KRT25: variants seen among roughly 807,000 people sequenced by gnomAD.
KRT25 encodes keratin, type I cytoskeletal 25.
Under a neutral mutation model 47.6 loss-of-function variants are expected in KRT25, and 37 were observed. That is an observed-to-expected ratio of 0.78 (90% CI 0.60 to 1.02). The LOEUF is 1.02. Ranked by LOEUF, KRT25 falls within the 50% of genes least tolerant of loss-of-function variation. KRT25 has a pLI of 0.00. For synonymous variants in KRT25, 203 were observed against 210.2 expected, an observed-to-expected ratio of 0.97 and a Z score of 0.30; for missense variants, 542 against 550.3, an observed-to-expected ratio of 0.98 and a Z score of 0.15.
chr17:40,751,239 T>C lies in KRT25; in HGVS notation c.757A>G (p.Asn253Asp), dbSNP rs1189638982. 3 of 1,614,038 alleles carry C rather than the reference T, an allele frequency of 1.9e-6. No individual in the cohort carries two copies. In the Admixed American group the frequency reaches 5.0e-5, roughly 27 times the overall value. Residue 253 changes from asparagine (N) to aspartate (D), a missense_variant, in exon 4 of 8, where the codon AAC becomes GAC. Transcript: ENST00000312150. ...APGVDLTVLLNNMRAEYEALA... is the reference protein window; with the variant it reads ...APGVDLTVLLDNMRAEYEALA... ...GCTTCGTACTCAGCTCGCATGTTGT[T>C]CAGCAGAACTGTGAGGTCCACCCCG...
chr17:40,748,423 T>TA, intron 7 of KRT25, 37 bp from the exon 8 acceptor site: 2 of 1,318,256 alleles, frequency 1.5e-6, no homozygotes, highest in Non-Finnish European at 1.1e-6. Flanking sequence ...TTTATGTAGT[T>TA]AAAAAAAGAA....
Position 40,755,294 on chromosome 17 carries a change from A to G in KRT25, c.-23T>C. 6.3e-7 allele frequency: 1 copy of G among 1,596,222 alleles called. No individual in the cohort carries two copies. The highest frequency in any genetic ancestry group is 8.5e-7 in the Non-Finnish European group (1 of 1,171,246). ...CATGGTATCAGGGCAAACGCGTTGCAGAGCTGTATTTGTGAAAGCCAGAAT... is the reference window on the plus strand; with the variant it reads ...CATGGTATCAGGGCAAACGCGTTGCGGAGCTGTATTTGTGAAAGCCAGAAT... On this transcript the variant is annotated 5_prime_UTR_variant, in exon 1 of 8. Transcript: ENST00000312150.
At position 40,751,018 on chromosome 17, in the gene KRT25, T is replaced by C; in HGVS notation, c.893A>G (p.Glu298Gly). Residue 298 changes from glutamate to glycine, a missense_variant, in exon 5 of 8, where the codon GAG (glutamate) becomes GGG (glycine). Coordinates refer to ENST00000312150, the MANE Select transcript of KRT25 (RefSeq NM_181534.4). ...AAGAGTGCGCTTCATTTCAGTCAGC[T>C]CATTCCGGGCTGAGGTTGTGGCTCC... Reference protein sequence around the residue: ...DVGATTSARNELTEMKRTLQT... With the variant: ...DVGATTSARNGLTEMKRTLQT... 1 of 1,614,160 alleles carries C rather than the reference T, an allele frequency of 6.2e-7. No individual in the cohort carries two copies. The highest frequency in any genetic ancestry group is 1.3e-5 in the African/African-American group (1 of 75,042).
Position 40,749,315 on chromosome 17 carries a change from A to C in KRT25, c.1186T>G (p.Ser396Ala), listed in dbSNP as rs763895579. 71 of 1,612,962 alleles carry C rather than the reference A, an allele frequency of 4.4e-5. No individual in the cohort carries two copies. Among genetic ancestry groups the C allele is most frequent in the Non-Finnish European group, 5.7e-5 (67 of 1,179,094 alleles). ...LIGGDDGACK[S>A]GGYKSKDYGS... ...TAATCTTTAGACTTGTAACCCCCAG[A>C]CTTACAGGCTCTGTGAAAACATCGC... The change falls in exon 7 of 8, where the codon TCT (serine) becomes GCT (alanine). Residue 396 changes from serine (S) to alanine (A), a missense_variant. By Grantham distance (99) the Ser-to-Ala change is moderately conservative. Coordinates refer to ENST00000312150, the MANE Select transcript of KRT25 (RefSeq NM_181534.4).
Position 40,755,209 on chromosome 17 carries a change from G to A in KRT25, c.63C>T (p.Leu21=), listed in dbSNP as rs1176150120. 5 of 1,614,210 alleles carry A rather than the reference G, an allele frequency of 3.1e-6. No individual in the cohort carries two copies. Among genetic ancestry groups the A allele is most frequent in the East Asian group, 2.2e-5 (1 of 44,894 alleles). Reference sequence around the variant, plus strand: ...AGCTGGTTCCCCCACCATAGAGTCTGAGTGATCCAGTGGTGGGACGAGGAC... The same window carrying A: ...AGCTGGTTCCCCCACCATAGAGTCTAAGTGATCCAGTGGTGGGACGAGGAC... ...RSCPRPTTGS[L]RLYGGGTSFG... The change falls in exon 1 of 8, where the codon CTC becomes CTT. Residue 21 remains leucine (L), a synonymous_variant. Coordinates refer to ENST00000312150, the MANE Select transcript of KRT25 (RefSeq NM_181534.4).
In KRT25 at chr17:40,750,963, G is replaced by A; in HGVS notation, c.948C>T (p.Leu316=). Residue 316 remains leucine (L), a synonymous_variant, in exon 5 of 8, where the codon CTC becomes CTT. Coordinates refer to ENST00000312150, the MANE Select transcript of KRT25 (RefSeq NM_181534.4). ...ATTGTTCTTTTCATACCGTGGCTAG[G>A]AGAGACTGAAGTTCAATTTCCAGGG... is the stretch of plus-strand genomic sequence containing the variant. The part of the protein sequence containing the change: ...LQTLEIELQS[L]LATKHSLECS... 1 of 1,614,180 alleles carries A rather than the reference G, an allele frequency of 6.2e-7. No homozygotes were observed. The highest frequency in any genetic ancestry group is 8.5e-7 in the Non-Finnish European group (1 of 1,180,014).
intron 6 of KRT25, among the ~76,000 whole-genome samples, chr17:40,749,531 G>C (rs2038027116): frequency 6.6e-6 from 1 of 152,206 alleles, no homozygotes; most frequent in Non-Finnish European, 1.5e-5. Context: ...GAGGGGTTAG[G>C]AAGAGAAGAG....
At chr17:40,749,182 C>T in intron 7 of KRT25, 76 bp downstream of exon 7, 1 of 1,103,776 alleles carries the variant, frequency 9.1e-7, no homozygotes, top group Non-Finnish European at 1.4e-6. Context: ...ACAAACCTTC[C>T]AATGTACCCC....
At position 40,755,114 on chromosome 17, in the gene KRT25, G is replaced by C; in HGVS notation, c.158C>G (p.Ser53Ter). The C allele has an allele frequency of 1.2e-6, 2 of 1,614,170 alleles. No individual in the cohort carries two copies. The highest frequency in any genetic ancestry group is 1.7e-6 in the Non-Finnish European group (2 of 1,180,008). Residue 53 changes from serine (S) to a stop codon, truncating the protein, a stop_gained, in exon 1 of 8, where the codon TCA becomes TGA. Coordinates refer to ENST00000312150, the MANE Select transcript of KRT25 (RefSeq NM_181534.4). LOFTEE classifies it high-confidence loss of function. Reference protein sequence around the residue: ...SGFSSAFGGSSSGGNTGGGNP... With the variant: ...SGFSSAFGGS ...ACCTCCCCCTGTGTTTCCTCCCGAT[G>C]AGCTGCCTCCGAAGGCACTAGAGAA...
At chr17:40,754,360 T>C in intron 2 of KRT25, 26 bp downstream of exon 2, 1 of 1,584,630 alleles carries the variant, frequency 6.3e-7, no homozygotes, top group South Asian at 1.1e-5. Flanking sequence ...TGCCATGAAT[T>C]CATTTCACTC....
intron 3 of KRT25, among the ~76,000 whole-genome samples, chr17:40,752,470 C>T (rs2038058995): frequency 6.6e-6 from 1 of 152,184 alleles, no homozygotes; most frequent in African/African-American, 2.4e-5. Flanking sequence ...CAGCGAGCCC[C>T]TCAGCCATTC....
Position 40,753,841 on chromosome 17 carries a change from GT to G in KRT25, c.669+18del. 1.3e-6 allele frequency: 2 copies of G among 1,598,900 alleles called. No individual in the cohort carries two copies. Among genetic ancestry groups the G allele is most frequent in the Non-Finnish European group, 1.7e-6 (2 of 1,170,304 alleles). ...AGTGTCTGCGGAGGGATAGCAAAAT[GT>G]AGACGACCAGCTCTTACCTCTTTAT... is the stretch of plus-strand genomic sequence containing the variant. On this transcript the variant is annotated intron_variant, in intron 3 of 7. Transcript: ENST00000312150.
chr17:40,752,250 T>A (rs1382718271), intron 3 of KRT25, among the ~76,000 whole-genome samples: 1 of 152,220 alleles, frequency 6.6e-6, no homozygotes, highest in Admixed American at 6.5e-5. Context: ...AGCTGGAATT[T>A]ATTTTGCAGT....
chr17:40,751,883 C>CGTGCGT (rs367732127), intron 3 of KRT25, among the ~76,000 whole-genome samples: 75 of 149,022 alleles, frequency 5.0e-4, no homozygotes, highest in African/African-American at 1.5e-3. Context: ...TGTGTGCGTG[C>CGTGCGT]GTGTGTGTGT....
At chr17:40,753,348 T>C (rs1222112671) in intron 3 of KRT25, among the ~76,000 whole-genome samples, 1 of 151,276 alleles carries the variant, frequency 6.6e-6, no homozygotes, top group African/African-American at 2.4e-5. Context: ...TTTTTCCCCA[T>C]AGGAAACTTG....
intron 3 of KRT25, 115 bp downstream of exon 3, chr17:40,753,745 G>C: frequency 6.5e-6 from 2 of 309,670 alleles, no homozygotes; most frequent in Non-Finnish European, 1.2e-5. Flanking sequence ...CCTCATGTCT[G>C]TCTGACAATG....
chr17:40,755,203 G>A lies in KRT25; in HGVS notation c.69C>T (p.Leu23=), dbSNP rs201138319. 1.2e-6 allele frequency: 2 copies of A among 1,614,202 alleles called. No homozygotes were observed. Among genetic ancestry groups the A allele is most frequent in the East Asian group, 2.2e-5 (1 of 44,884 alleles). ...TACCAAAGCTGGTTCCCCCACCATA[G>A]AGTCTGAGTGATCCAGTGGTGGGAC... The part of the protein sequence containing the change: ...CPRPTTGSLR[L]YGGGTSFGTG... Residue 23 remains leucine (L), a synonymous_variant, in exon 1 of 8, where the codon CTC becomes CTT. Coordinates refer to ENST00000312150, the MANE Select transcript of KRT25 (RefSeq NM_181534.4).
Position 40,755,009 on chromosome 17 carries a change from T to C in KRT25, c.263A>G (p.Asp88Gly). 1 of 1,614,136 alleles carries C rather than the reference T, an allele frequency of 6.2e-7. No individual in the cohort carries two copies. Among genetic ancestry groups the C allele is most frequent in the African/African-American group, 1.3e-5 (1 of 75,036 alleles). ...NEKVTMQNLN[D>G]RLASYLDSVH... ...ACTGTCCAGGTAGGATGCCAGGCGGTCATTGAGGTTCTGCATGGTCACCTT... is the reference window on the plus strand; with the variant it reads ...ACTGTCCAGGTAGGATGCCAGGCGGCCATTGAGGTTCTGCATGGTCACCTT... Residue 88 changes from aspartate to glycine, a missense_variant, in exon 1 of 8, where the codon GAC becomes GGC. Asp to Gly is a moderately conservative substitution (Grantham distance 94). Coordinates refer to ENST00000312150, the MANE Select transcript of KRT25 (RefSeq NM_181534.4).
At chr17:40,754,557 A>C in intron 1 of KRT25, 89 bp from the exon 2 acceptor site, 2 of 1,231,046 alleles carry the variant, frequency 1.6e-6, no homozygotes, top group Non-Finnish European at 1.2e-6. Flanking sequence ...AATTCTCTTT[A>C]AGAAATCACA....
Sources: allele counts gnomAD v4.1 joint callset (sites outside exome capture counted in the v4.1 genomes callset), GRCh38; gene constraint gnomAD v4.1.1; transcripts MANE v1.5; gene names NCBI Gene and HGNC (gene_info 2026-07-23, HGNC 2026-07-21).